Variants in UQCC1 observed in about 807,000 individuals in gnomAD.
UQCC1 encodes bFGF-repressed Zic-binding protein.
A neutral mutation model predicts 48.0 loss-of-function variants in UQCC1; 38 were observed. That is an observed-to-expected ratio of 0.79 (90% CI 0.61 to 1.04). The LOEUF (loss-of-function observed/expected upper bound fraction) is 1.04. Ranked by LOEUF, UQCC1 falls within the 50% of genes least tolerant of loss-of-function variation. The pLI, the probability that UQCC1 is intolerant of heterozygous loss-of-function variation, is 0.00. For synonymous variants in UQCC1, 111 were observed against 129.2 expected (o/e 0.86, Z 0.95); for missense variants, 368 against 381.8 (o/e 0.96, Z 0.30).
intron 1 of UQCC1, among the ~76,000 whole-genome samples, chr20:35,398,023 A>G (rs2062106807): frequency 6.6e-6 from 1 of 152,212 alleles, no homozygotes; most frequent in African/African-American, 2.4e-5. Flanking sequence ...TATCCCATTT[A>G]CACAAAAAAG....
chr20:35,305,924 C>T (rs182174616), intron 9 of UQCC1, among the ~76,000 whole-genome samples: 259 of 152,334 alleles, frequency 1.7e-3, no homozygotes, highest in Non-Finnish European at 2.5e-3. Context: ...GGCCCTAGGG[C>T]AGCTGTGCAG....
intron 5 of UQCC1, among the ~76,000 whole-genome samples, chr20:35,371,169 CTTA>C (rs1382177009): frequency 2.6e-5 from 4 of 151,992 alleles, no homozygotes; most frequent in South Asian, 4.2e-4. Flanking sequence ...CGTAAAAAGT[CTTA>C]TTATTCAATA....
Position 35,383,671 on chromosome 20 carries a change from G to A in UQCC1, c.225+367C>T, listed in dbSNP as rs531181705. Among the ~76,000 whole-genome samples the A allele has an allele frequency of 5.3e-5, 8 of 152,108 alleles. No homozygotes were observed. The South Asian group carries it at 1.0e-3, about 20-fold the overall frequency. Reference sequence around the variant, plus strand: ...TTGAGACCAACCTAGGTAACAAAACGAGACCCTGGTCTCTACAAAAATTTA... The same window carrying A: ...TTGAGACCAACCTAGGTAACAAAACAAGACCCTGGTCTCTACAAAAATTTA... On this transcript the variant is annotated intron_variant, in intron 3 of 9. Transcript: ENST00000374385.
chr20:35,363,028 T>TAAAAAAAAAAAAAAAA (rs60988214), intron 6 of UQCC1, among the ~76,000 whole-genome samples: 1 of 80,670 alleles, frequency 1.2e-5, no homozygotes, highest in Non-Finnish European at 2.6e-5. Context: ...TCCTTAAAAC[T>TAAAAAAAAAAAAAAAA]AAAAAAAAAA....
chr20:35,390,519 T>C (rs1340434369), intron 2 of UQCC1, among the ~76,000 whole-genome samples: 1 of 151,894 alleles, frequency 6.6e-6, no homozygotes, highest in Middle Eastern at 3.2e-3. Flanking sequence ...AAAAAGTTTA[T>C]AGAGATCTGT....
At chr20:35,361,800 T>C (rs1379631682) in intron 6 of UQCC1, among the ~76,000 whole-genome samples, 1 of 152,182 alleles carries the variant, frequency 6.6e-6, no homozygotes, top group East Asian at 1.9e-4. Flanking sequence ...TGTGAAATAA[T>C]GTATGTAAAT....
Position 35,411,835 on chromosome 20 carries a change from C to T in UQCC1, c.24+105G>A. 1.3e-6 allele frequency: 2 copies of T among 1,508,474 alleles called. 1 individual carries two copies. Among genetic ancestry groups the T allele is most frequent in the East Asian group, 4.5e-5 (2 of 44,422 alleles). 93.4% of individuals were successfully genotyped at this position (1,508,474 alleles called of 1,614,324 possible). Reference sequence around the variant, plus strand: ...AAGCGGCCACTCAGCCTAGCTATAACACAGGCTTCCCTCCTGCGATTCCTT... The same window carrying T: ...AAGCGGCCACTCAGCCTAGCTATAATACAGGCTTCCCTCCTGCGATTCCTT... On this transcript the variant is annotated intron_variant, in intron 1 of 9. Coordinates refer to ENST00000374385, the MANE Select transcript of UQCC1 (RefSeq NM_018244.5).
chr20:35,389,077 TA>T (rs892704937), intron 2 of UQCC1, among the ~76,000 whole-genome samples: 1 of 149,690 alleles, frequency 6.7e-6, no homozygotes, highest in East Asian at 2.0e-4. Context: ...AAATAAAAAA[TA>T]AAAAAAATAA....
At chr20:35,324,859 C>A (rs992038441) in intron 7 of UQCC1, among the ~76,000 whole-genome samples, 1 of 152,054 alleles carries the variant, frequency 6.6e-6, no homozygotes, top group Non-Finnish European at 1.5e-5. Flanking sequence ...GAATTGAAAG[C>A]GGGAATTGGA....
chr20:35,362,001 C>T (rs896323591), intron 6 of UQCC1, among the ~76,000 whole-genome samples: 2 of 152,182 alleles, frequency 1.3e-5, no homozygotes, highest in African/African-American at 4.8e-5. Flanking sequence ...GGTACTAGTG[C>T]TCCATGACAA....
At chr20:35,336,223 C>T (rs1254884811) in intron 7 of UQCC1, among the ~76,000 whole-genome samples, 1 of 152,232 alleles carries the variant, frequency 6.6e-6, no homozygotes, top group Non-Finnish European at 1.5e-5. Context: ...CCAATCCAGG[C>T]TCCCATATTT....
chr20:35,329,357 T>G (rs541469790), intron 7 of UQCC1, among the ~76,000 whole-genome samples: 14 of 152,296 alleles, frequency 9.2e-5, no homozygotes, highest in African/African-American at 3.4e-4. Context: ...TGATAGTGGT[T>G]GTTTTAAAGA....
chr20:35,320,823 C>T (rs2061115981), intron 7 of UQCC1, among the ~76,000 whole-genome samples: 2 of 152,186 alleles, frequency 1.3e-5, no homozygotes, highest in Non-Finnish European at 2.9e-5. Context: ...CAGTAGCAGA[C>T]TAAGAATTTG....
intron 6 of UQCC1, among the ~76,000 whole-genome samples, chr20:35,359,889 C>T (rs1161918705): frequency 6.6e-6 from 1 of 152,164 alleles, no homozygotes; most frequent in Non-Finnish European, 1.5e-5. Flanking sequence ...CTATCTCCAC[C>T]TGGTTTCCCA....
chr20:35,342,120 G>A (rs1485840858), intron 7 of UQCC1, among the ~76,000 whole-genome samples: 1 of 152,176 alleles, frequency 6.6e-6, no homozygotes, highest in East Asian at 1.9e-4. Context: ...GTGAGCAGGG[G>A]ACCATGAGGT....
At chr20:35,381,693 C>T (rs770814131) in intron 4 of UQCC1, among the ~76,000 whole-genome samples, 2 of 152,120 alleles carry the variant, frequency 1.3e-5, no homozygotes, top group South Asian at 2.1e-4. Context: ...TCAAAAAGGT[C>T]GCACATAGAG....
At chr20:35,405,368 A>G (rs1433122370) in intron 1 of UQCC1, among the ~76,000 whole-genome samples, 1 of 152,214 alleles carries the variant, frequency 6.6e-6, no homozygotes, top group African/African-American at 2.4e-5. Flanking sequence ...AAACCCTGGG[A>G]AGGGAAACAA....
At chr20:35,353,919 C>A (rs1374959052) in intron 6 of UQCC1, among the ~76,000 whole-genome samples, 1 of 152,118 alleles carries the variant, frequency 6.6e-6, no homozygotes, top group East Asian at 1.9e-4. Flanking sequence ...ATATCTTATA[C>A]AAGAATACCA....
intron 4 of UQCC1, among the ~76,000 whole-genome samples, chr20:35,381,328 G>A (rs1185805406): frequency 1.3e-5 from 2 of 152,104 alleles, no homozygotes; most frequent in African/African-American, 4.8e-5. Flanking sequence ...TAAGAATGTT[G>A]CCAATCAGAA....
Sources: gnomAD v4.1 joint callset for allele counts (sites outside exome capture counted in the v4.1 genomes callset) on GRCh38, gnomAD v4.1.1 for gene constraint, MANE v1.5 for transcripts, NCBI Gene and HGNC (gene_info 2026-07-23, HGNC 2026-07-21) for gene names.